STK32B: variants seen among roughly 807,000 people sequenced by gnomAD.
STK32B encodes the protein serine/threonine-protein kinase 32B.
STK32B carries 43 observed loss-of-function variants against 52.6 expected under a neutral mutation model. The observed-to-expected ratio is 0.82, with a 90% CI of 0.64 to 1.05. The LOEUF is 1.05. Ranked by LOEUF, STK32B falls within the 50% of genes least tolerant of loss-of-function variation. The probability of loss-of-function intolerance (pLI) is 0.00; values close to 1 mark genes in which losing one functional copy is unlikely to be tolerated. For missense variants in STK32B, 621 were observed against 534.6 expected (o/e 1.16, Z -1.59); for synonymous variants, 238 against 204.3 (o/e 1.17, Z -1.41).
chr4:5,142,990 T>C (rs1716593259), intron 2 of STK32B, among the ~76,000 whole-genome samples: 1 of 152,156 alleles, frequency 6.6e-6, no homozygotes. Context: ...TATCAACTCT[T>C]TTCTGGATTT....
At chr4:5,227,175 A>T (rs148622130) in intron 3 of STK32B, among the ~76,000 whole-genome samples, 280 of 152,338 alleles carry the variant, frequency 1.8e-3, no homozygotes, top group African/African-American at 6.3e-3. Context: ...CATTTTGAAC[A>T]TTCTTTGATA....
At chr4:5,452,319 A>T (rs575153870) in intron 7 of STK32B, among the ~76,000 whole-genome samples, 42 of 151,900 alleles carry the variant, frequency 2.8e-4, no homozygotes, top group African/African-American at 1.0e-3. Flanking sequence ...GAGGTGAGAG[A>T]GCGGCACTGA....
intron 1 of STK32B, among the ~76,000 whole-genome samples, chr4:5,130,465 C>G (rs1441865553): frequency 6.6e-6 from 1 of 152,168 alleles, no homozygotes; most frequent in East Asian, 1.9e-4. Flanking sequence ...GGGCTGTCGG[C>G]TTTGAGAAGG....
intron 4 of STK32B, among the ~76,000 whole-genome samples, chr4:5,353,387 A>T (rs933386538): frequency 2.0e-5 from 3 of 148,028 alleles, no homozygotes; most frequent in Admixed American, 1.3e-4. Flanking sequence ...ATGGAAATGA[A>T]AATAGACAAA....
At chr4:5,085,354 G>T (rs28566600) in intron 1 of STK32B, among the ~76,000 whole-genome samples, 1,868 of 152,242 alleles carry the variant, frequency 0.012, 45 homozygotes, top group African/African-American at 0.042. Context: ...TCTTGAAGCT[G>T]AATAGGATTG....
chr4:5,143,452 C>T (rs746781767), intron 2 of STK32B, among the ~76,000 whole-genome samples: 29 of 152,152 alleles, frequency 1.9e-4, no homozygotes, highest in Non-Finnish European at 4.0e-4. Flanking sequence ...ACGCATCACA[C>T]CAGCCCCTCA....
intron 6 of STK32B, chr4:5,436,713 T>C: frequency 2.1e-6 from 2 of 969,240 alleles, no homozygotes; most frequent in Non-Finnish European, 2.5e-6. Context: ...TGAATATCAC[T>C]GTGACAGTCA....
chr4:5,158,591 C>G (rs779646738), intron 2 of STK32B, among the ~76,000 whole-genome samples: 3 of 152,266 alleles, frequency 2.0e-5, no homozygotes, highest in East Asian at 1.9e-4. Flanking sequence ...TTAGTCTGCT[C>G]GAGCTGCCAC....
chr4:5,203,788 C>T (rs1722341211), intron 3 of STK32B, among the ~76,000 whole-genome samples: 1 of 152,196 alleles, frequency 6.6e-6, no homozygotes, highest in Non-Finnish European at 1.5e-5. Context: ...CCCCCAGCTT[C>T]GTTATGCTTC....
At chr4:5,490,498 T>G (rs1393889152) in intron 11 of STK32B, among the ~76,000 whole-genome samples, 1 of 152,168 alleles carries the variant, frequency 6.6e-6, no homozygotes, top group African/African-American at 2.4e-5. Flanking sequence ...AAGAATAATG[T>G]GACTAAATTA....
chr4:5,056,021 A>G (rs1231768180), intron 1 of STK32B, among the ~76,000 whole-genome samples: 1 of 152,128 alleles, frequency 6.6e-6, no homozygotes, highest in Non-Finnish European at 1.5e-5. Flanking sequence ...GGTCTGTAGG[A>G]ACTGGGCCAT....
chr4:5,261,167 C>T (rs921318112), intron 3 of STK32B, among the ~76,000 whole-genome samples: 1 of 152,162 alleles, frequency 6.6e-6, no homozygotes, highest in African/African-American at 2.4e-5. Flanking sequence ...CACATCATGA[C>T]ATCCTTCACT....
At chr4:5,093,588 G>A (rs767657836) in intron 1 of STK32B, among the ~76,000 whole-genome samples, 5 of 152,132 alleles carry the variant, frequency 3.3e-5, no homozygotes, top group Non-Finnish European at 5.9e-5. Flanking sequence ...GGGAGGGATA[G>A]CATTAGGAGA....
At chr4:5,204,714 C>T (rs186069566) in intron 3 of STK32B, among the ~76,000 whole-genome samples, 12 of 152,120 alleles carry the variant, frequency 7.9e-5, no homozygotes, top group Admixed American at 2.0e-4. Flanking sequence ...GTGATCTGCC[C>T]GCCTCAGCCT....
At chr4:5,429,749 A>T (rs980652468) in intron 6 of STK32B, among the ~76,000 whole-genome samples, 1 of 152,138 alleles carries the variant, frequency 6.6e-6, no homozygotes, top group Non-Finnish European at 1.5e-5. Flanking sequence ...TGACTATTAA[A>T]ATCTACTGGT....
rs1720650219 is a variant in STK32B, at chr4:5,500,623, A to AAAAG, written c.*1542_*1545dup. ...GTCCATGTCATCTCTTAGATTTCTT[A>AAAAG]AAAGACATTTTAATGTATGGTTAGG... On this transcript the variant is annotated 3_prime_UTR_variant, in exon 12 of 12. Transcript: ENST00000282908. 1 of 152,304 alleles carries AAAAG rather than the reference A, an allele frequency of 6.6e-6. No individual in the cohort carries two copies. Among genetic ancestry groups the AAAAG allele is most frequent in the South Asian group, 2.1e-4 (1 of 4,826 alleles). 9.4% of individuals were successfully genotyped at this position (152,304 alleles called of 1,614,324 possible). A position where few individuals can be genotyped will look rare whatever the true frequency, so the allele number is the denominator to read the frequency against.
At chr4:5,350,149 G>T (rs1733733458) in intron 4 of STK32B, among the ~76,000 whole-genome samples, 1 of 152,008 alleles carries the variant, frequency 6.6e-6, no homozygotes, top group South Asian at 2.1e-4. Flanking sequence ...AATTCAAAAA[G>T]GTTTACTCCA....
At chr4:5,201,473 G>A (rs1722138795) in intron 3 of STK32B, among the ~76,000 whole-genome samples, 1 of 152,184 alleles carries the variant, frequency 6.6e-6, no homozygotes, top group South Asian at 2.1e-4. Context: ...ATCAGTGATT[G>A]AGGGATGAGT....
intron 3 of STK32B, among the ~76,000 whole-genome samples, chr4:5,177,521 C>G (rs1264773544): frequency 6.6e-6 from 1 of 152,174 alleles, no homozygotes; most frequent in East Asian, 1.9e-4. Flanking sequence ...CATTTCAAAG[C>G]ACAATCATGC....
Sources: allele counts gnomAD v4.1 joint callset (sites outside exome capture counted in the v4.1 genomes callset), GRCh38; gene constraint gnomAD v4.1.1; transcripts MANE v1.5; gene names NCBI Gene and HGNC (gene_info 2026-07-23, HGNC 2026-07-21).